The following GPR141 variants were observed in gnomAD, a reference collection of about 807,000 sequenced individuals.
GPR141 encodes probable G protein-coupled receptor 141.
Under a neutral mutation model 6.8 loss-of-function variants are expected in GPR141, and 6 were observed. The ratio of observed to expected loss-of-function variants is 0.88; its 90% confidence interval spans 0.48 to 1.74. GPR141 has a LOEUF of 1.74. Among genes scored for constraint, GPR141 ranks in the 40% most tolerant of loss-of-function variants. The pLI is 0.01. For synonymous variants in GPR141, 140 were observed against 142.3 expected (o/e 0.98, Z 0.11); for missense variants, 372 against 372.9 (o/e 1.00, Z 0.02).
chr7:37,730,662 T>C (rs1811886873), intron 2 of GPR141, among the ~76,000 whole-genome samples: 1 of 152,216 alleles, frequency 6.6e-6, no homozygotes, highest in African/African-American at 2.4e-5. Context: ...GGCCCGGCCA[T>C]GGCCATGGTG....
intron 2 of GPR141, among the ~76,000 whole-genome samples, chr7:37,688,445 A>C (rs1809611638): frequency 6.6e-6 from 1 of 152,124 alleles, no homozygotes; most frequent in South Asian, 2.1e-4. Flanking sequence ...AAAATAAATA[A>C]ATAAATAAAT....
chr7:37,716,387 G>T (rs1191364613), intron 2 of GPR141, among the ~76,000 whole-genome samples: 3 of 152,138 alleles, frequency 2.0e-5, no homozygotes, highest in East Asian at 1.9e-4. Flanking sequence ...ATTTTCAAAG[G>T]GGGTGAAAGA....
intron 2 of GPR141, among the ~76,000 whole-genome samples, chr7:37,735,781 A>G (rs1812205603): frequency 6.6e-6 from 1 of 152,236 alleles, no homozygotes; most frequent in Non-Finnish European, 1.5e-5. Context: ...TGAAATAACT[A>G]TGATTAAAGT....
intron 2 of GPR141, among the ~76,000 whole-genome samples, chr7:37,720,716 G>T (rs1224810167): frequency 1.3e-5 from 2 of 150,258 alleles, no homozygotes; most frequent in African/African-American, 2.5e-5. Flanking sequence ...ACTCCAGGCT[G>T]GGCAAAAGCC....
chr7:37,707,590 C>T (rs534918182), intron 2 of GPR141, among the ~76,000 whole-genome samples: 4 of 152,164 alleles, frequency 2.6e-5, no homozygotes, highest in Non-Finnish European at 5.9e-5. Context: ...AGTACAAAAA[C>T]TTTATGAAAC....
intron 2 of GPR141, among the ~76,000 whole-genome samples, chr7:37,713,177 A>G (rs1810888948): frequency 6.6e-6 from 1 of 152,248 alleles, no homozygotes; most frequent in African/African-American, 2.4e-5. Context: ...GTTATATGTC[A>G]GGAAATGTTC....
Position 37,740,433 on chromosome 7 carries a change from C to A in GPR141, c.40C>A (p.Pro14Thr), listed in dbSNP as rs969080271. The change falls in exon 3 of 3, where the codon CCT becomes ACT. Residue 14 changes from proline to threonine, a missense_variant. Physicochemically the swap from Pro to Thr is conservative, Grantham distance 38. Coordinates refer to ENST00000334425, the MANE Select transcript of GPR141 (RefSeq NM_001381946.1). Reference sequence around the variant, plus strand: ...TACCTCCAGGAATTCCTCTTGCGATCCTATAGTGACACCCCACTTAATCAG... The same window carrying A: ...TACCTCCAGGAATTCCTCTTGCGATACTATAGTGACACCCCACTTAATCAG... Reference protein sequence around the residue: ...HNTSRNSSCDPIVTPHLISLY... With the variant: ...HNTSRNSSCDTIVTPHLISLY... 10 of 1,612,206 alleles carry A rather than the reference C, an allele frequency of 6.2e-6. No homozygotes were observed. The highest frequency in any genetic ancestry group is 1.7e-5 in the Admixed American group (1 of 59,898).
At chr7:37,693,992 T>A (rs1169905200) in intron 2 of GPR141, among the ~76,000 whole-genome samples, 2 of 152,138 alleles carry the variant, frequency 1.3e-5, no homozygotes, top group Admixed American at 1.3e-4. Flanking sequence ...CGGGCACCAT[T>A]TCCTTGGGAT....
At chr7:37,712,233 A>G (rs1412663758) in intron 2 of GPR141, among the ~76,000 whole-genome samples, 1 of 152,174 alleles carries the variant, frequency 6.6e-6, no homozygotes, top group African/African-American at 2.4e-5. Context: ...CCTTTGGTAC[A>G]CAGCAAGAGA....
intron 2 of GPR141, among the ~76,000 whole-genome samples, chr7:37,706,826 T>C (rs943432754): frequency 6.6e-6 from 1 of 152,220 alleles, no homozygotes; most frequent in African/African-American, 2.4e-5. Flanking sequence ...ATACATTTTC[T>C]TTTCATATAA....
At chr7:37,692,085 T>C (rs954571926) in intron 2 of GPR141, among the ~76,000 whole-genome samples, 5 of 152,148 alleles carry the variant, frequency 3.3e-5, no homozygotes, top group African/African-American at 1.2e-4. Context: ...CCATGGTGGT[T>C]TGCTGCACCC....
rs973330085 is a variant in GPR141, at chr7:37,742,312, A to G, written c.*1001A>G. 3.3e-5 allele frequency among the ~76,000 whole-genome samples: 5 copies of G among 152,152 alleles called. No individual in the cohort carries two copies. Among genetic ancestry groups the G allele is most frequent in the Middle Eastern group, 3.4e-3 (1 of 294 alleles). ...TGTGCAGAATGTGCAGGTTTGTTAC[A>G]TAGGTATACACGTGCCATGGTGGTT... On this transcript the variant is annotated 3_prime_UTR_variant, in exon 3 of 3. Transcript: ENST00000334425.
chr7:37,696,581 G>T (rs1810026022), intron 2 of GPR141, among the ~76,000 whole-genome samples: 1 of 151,374 alleles, frequency 6.6e-6, no homozygotes, highest in Non-Finnish European at 1.5e-5. Context: ...AAGGACCACT[G>T]ATGTGCACAT....
chr7:37,715,438 G>GT (rs890745129), intron 2 of GPR141, among the ~76,000 whole-genome samples: 244 of 151,952 alleles, frequency 1.6e-3, no homozygotes, highest in African/African-American at 5.2e-3. Flanking sequence ...TTTAAATAGT[G>GT]TTTTTTTTCC....
chr7:37,691,229 C>CAGCATAT (rs1809745055), intron 2 of GPR141, among the ~76,000 whole-genome samples: 1 of 139,400 alleles, frequency 7.2e-6, no homozygotes, highest in Non-Finnish European at 1.5e-5. Flanking sequence ...TTATTGTGAA[C>CAGCATAT]AGCATATAGT....
chr7:37,712,172 C>T (rs958934782), intron 2 of GPR141, among the ~76,000 whole-genome samples: 2 of 152,116 alleles, frequency 1.3e-5, no homozygotes, highest in African/African-American at 4.8e-5. Context: ...AGAGAAGTCC[C>T]AAGGGGGAGA....
At chr7:37,694,245 G>T (rs1809915950) in intron 2 of GPR141, among the ~76,000 whole-genome samples, 1 of 152,226 alleles carries the variant, frequency 6.6e-6, no homozygotes, top group Non-Finnish European at 1.5e-5. Flanking sequence ...TGGTCCTGTG[G>T]GACAGGTGCA....
intron 2 of GPR141, among the ~76,000 whole-genome samples, chr7:37,724,874 C>T (rs578073555): frequency 3.3e-5 from 5 of 152,168 alleles, no homozygotes; most frequent in East Asian, 1.9e-4. Flanking sequence ...TAGAAGCTGC[C>T]GTCTGTCCTG....
chr7:37,732,304 T>A (rs1719358046), intron 2 of GPR141, among the ~76,000 whole-genome samples: 1 of 146,508 alleles, frequency 6.8e-6, no homozygotes, highest in South Asian at 2.5e-4. Context: ...CCGCAATTAC[T>A]TTTGCAACAA....
Sources: allele counts gnomAD v4.1 joint callset (sites outside exome capture counted in the v4.1 genomes callset), GRCh38; gene constraint gnomAD v4.1.1; transcripts MANE v1.5; gene names NCBI Gene and HGNC (gene_info 2026-07-23, HGNC 2026-07-21).